The following ARSB variants were observed in gnomAD, a reference collection of about 807,000 sequenced individuals.
The protein encoded by ARSB is arylsulfatase B.
A neutral mutation model predicts 50.9 loss-of-function variants in ARSB; 41 were observed. The ratio of observed to expected loss-of-function variants is 0.81; its 90% CI spans 0.63 to 1.04. The LOEUF (loss-of-function observed/expected upper bound fraction) is 1.04, where lower values mean the gene tolerates loss of function less well. Among genes scored for constraint, ARSB ranks in the 50% least tolerant of loss-of-function variants. ARSB has a pLI of 0.00. For synonymous variants in ARSB, 269 were observed against 284.8 expected (o/e 0.94, Z 0.56); for missense variants, 672 against 693.3 (o/e 0.97, Z 0.35).
intron 1 of ARSB, among the ~76,000 whole-genome samples, chr5:78,975,668 C>T (rs920857682): frequency 1.3e-5 from 2 of 152,304 alleles, no homozygotes; most frequent in African/African-American, 4.8e-5. Flanking sequence ...CACTTTCTTA[C>T]TCTTTAATCT....
At chr5:78,890,227 C>T (rs555990901) in intron 4 of ARSB, among the ~76,000 whole-genome samples, 3 of 150,088 alleles carry the variant, frequency 2.0e-5, no homozygotes, top group African/African-American at 7.4e-5. Flanking sequence ...ATTCAAATTA[C>T]ATTCTGATAT....
chr5:78,854,087 G>A lies in ARSB; in HGVS notation c.1143-14661C>T, dbSNP rs191456153. ...CCCACTGTCCTGTGCCCACTGTCTTGCACTCCCTAGTGAGATGAATCCGGT... is the reference window on the plus strand; with the variant it reads ...CCCACTGTCCTGTGCCCACTGTCTTACACTCCCTAGTGAGATGAATCCGGT... On this transcript the variant is annotated intron_variant, in intron 5 of 7. Transcript: ENST00000264914. Among the ~76,000 whole-genome samples the A allele has an allele frequency of 1.2e-3, 184 of 152,348 alleles. 3 individuals carry two copies. The highest frequency in any genetic ancestry group is 0.011 in the Admixed American group (175 of 15,304).
Position 78,985,096 on chromosome 5 carries a change from C to T in ARSB, c.153G>A (p.Leu51=), listed in dbSNP as rs779856803. The T allele has an allele frequency of 1.8e-5, 28 of 1,523,600 alleles. No individual in the cohort carries two copies. The highest frequency in any genetic ancestry group is 2.5e-5 in the Non-Finnish European group (28 of 1,134,382). 94.4% of individuals were successfully genotyped at this position (1,523,600 alleles called of 1,614,324 possible). Residue 51 remains leucine, a synonymous_variant, in exon 1 of 8, where the codon CTG becomes CTA. Coordinates refer to ENST00000264914, the MANE Select transcript of ARSB (RefSeq NM_000046.5). The part of the protein sequence containing the change: ...ASRPPHLVFL[L]ADDLGWNDVG... ...CGTCGTTCCAGCCTAGGTCGTCTGC[C>T]AGCAAGAAGACCAGGTGGGGCGGCC...
chr5:78,910,693 T>G (rs1353652950), intron 4 of ARSB, among the ~76,000 whole-genome samples: 1 of 152,220 alleles, frequency 6.6e-6, no homozygotes, highest in East Asian at 1.9e-4. Flanking sequence ...AGACAACGAT[T>G]ACTTCAAAAA....
intron 5 of ARSB, among the ~76,000 whole-genome samples, chr5:78,855,285 T>C (rs1449967897): frequency 2.0e-5 from 3 of 152,206 alleles, no homozygotes; most frequent in Non-Finnish European, 2.9e-5. Context: ...CCAGGCACCA[T>C]TTCCCTAGGA....
chr5:78,876,925 G>A (rs143601527), intron 5 of ARSB, among the ~76,000 whole-genome samples: 179 of 152,216 alleles, frequency 1.2e-3, no homozygotes, highest in African/African-American at 4.1e-3. Context: ...AGGGATCTAC[G>A]GTGTATGCTT....
At chr5:78,859,430 T>C (rs1410225292) in intron 5 of ARSB, among the ~76,000 whole-genome samples, 1 of 152,180 alleles carries the variant, frequency 6.6e-6, no homozygotes, top group African/African-American at 2.4e-5. Context: ...GACTTCTGGG[T>C]TAATTCAGGA....
rs546012021 is a variant in ARSB at position 78,829,948 on chromosome 5, AGGAAAAAAGGAGT to A, written c.1213+9395_1213+9407del. Among the ~76,000 whole-genome samples, 20 of 152,280 alleles carry A rather than the reference AGGAAAAAAGGAGT, an allele frequency of 1.3e-4. No homozygotes were observed. In the East Asian group the frequency reaches 2.1e-3, roughly 16 times the overall value. ...GAGAATGACTGGTCCAGACTGGGAG[AGGAAAAAAGGAGT>A]CTGGACACCACCAAATCTTTACCAG... On this transcript the variant is annotated intron_variant, in intron 6 of 7. Coordinates refer to ENST00000264914, the MANE Select transcript of ARSB (RefSeq NM_000046.5).
At chr5:78,808,527 G>A (rs991388789) in intron 6 of ARSB, among the ~76,000 whole-genome samples, 1 of 152,100 alleles carries the variant, frequency 6.6e-6, no homozygotes, top group African/African-American at 2.4e-5. Flanking sequence ...TGGGTGGCTG[G>A]GAGGATGCTG....
At chr5:78,816,715 A>G (rs1744005538) in intron 6 of ARSB, among the ~76,000 whole-genome samples, 1 of 152,230 alleles carries the variant, frequency 6.6e-6, no homozygotes, top group Non-Finnish European at 1.5e-5. Context: ...GGATTCAACA[A>G]GAGGAAGCTT....
At position 78,985,160 on chromosome 5, in the gene ARSB, A is replaced by G. The variant is rs1294388512; in HGVS notation, c.89T>C (p.Leu30Pro). Residue 30 changes from leucine to proline, a missense_variant, in exon 1 of 8, where the codon CTG (leucine) becomes CCG (proline). Leu to Pro is a moderately conservative substitution (Grantham distance 98). Coordinates refer to ENST00000264914, the MANE Select transcript of ARSB (RefSeq NM_000046.5). Reference sequence around the variant, plus strand: ...GCCCGAGCCCGGCGGCGCCAACAACAGCAGCAGCAGCAGCGGGAGGACGAC... The same window carrying G: ...GCCCGAGCCCGGCGGCGCCAACAACGGCAGCAGCAGCAGCGGGAGGACGAC... ...LPVVLPLLLL[L>P]LLAPPGSGAG... The G allele has an allele frequency of 6.4e-6, 9 of 1,416,692 alleles. No individual in the cohort carries two copies. In the African/African-American group the frequency reaches 1.2e-4, roughly 19 times the overall value. 87.8% of individuals were successfully genotyped at this position (1,416,692 alleles called of 1,614,324 possible). A position where few individuals can be genotyped will look rare whatever the true frequency, so the allele number is the denominator to read the frequency against.
chr5:78,806,461 T>C (rs1743568143), intron 6 of ARSB, among the ~76,000 whole-genome samples: 1 of 152,252 alleles, frequency 6.6e-6, no homozygotes, highest in African/African-American at 2.4e-5. Flanking sequence ...ATGTGATTCC[T>C]GGACTGGCAC....
At chr5:78,839,803 T>A (rs1481770137) in intron 5 of ARSB, among the ~76,000 whole-genome samples, 1 of 152,212 alleles carries the variant, frequency 6.6e-6, no homozygotes, top group Non-Finnish European at 1.5e-5. Flanking sequence ...AGAAACTGCA[T>A]CTGCCAAAAT....
At chr5:78,817,955 G>A (rs1298243138) in intron 6 of ARSB, among the ~76,000 whole-genome samples, 4 of 152,190 alleles carry the variant, frequency 2.6e-5, no homozygotes, top group African/African-American at 9.7e-5. Context: ...AGACCAGCCT[G>A]GCCAACATGG....
At chr5:78,968,417 G>A (rs577032031) in intron 2 of ARSB, among the ~76,000 whole-genome samples, 78 of 150,688 alleles carry the variant, frequency 5.2e-4, no homozygotes, top group African/African-American at 1.8e-3. Context: ...GCATGATCTC[G>A]GCTCACTGCA....
intron 5 of ARSB, among the ~76,000 whole-genome samples, chr5:78,874,471 C>G (rs1248254229): frequency 6.6e-6 from 1 of 151,840 alleles, no homozygotes; most frequent in Non-Finnish European, 1.5e-5. Flanking sequence ...TTAAATGTGA[C>G]AAACCAAATA....
intron 6 of ARSB, among the ~76,000 whole-genome samples, chr5:78,833,039 G>A (rs1308447118): frequency 2.0e-5 from 3 of 152,172 alleles, no homozygotes; most frequent in Non-Finnish European, 2.9e-5. Context: ...CCCGGCACCT[G>A]CAGGATAGGT....
intron 5 of ARSB, chr5:78,883,781 C>T (rs4704531): frequency 0.14 from 20,762 of 152,226 alleles, 1,700 homozygotes; most frequent in Middle Eastern, 0.21. Context: ...AACACTTCTT[C>T]TATCCATTCC....
intron 4 of ARSB, among the ~76,000 whole-genome samples, chr5:78,908,394 C>T (rs1418098445): frequency 8.1e-6 from 1 of 123,860 alleles, no homozygotes; most frequent in Non-Finnish European, 1.8e-5. Flanking sequence ...TATCAGGATA[C>T]AGCTGGGAAA....
Sources: gnomAD v4.1 joint callset for allele counts (sites outside exome capture counted in the v4.1 genomes callset) on GRCh38, gnomAD v4.1.1 for gene constraint, MANE v1.5 for transcripts, NCBI Gene and HGNC (gene_info 2026-07-23, HGNC 2026-07-21) for gene names.